CCDC13: variants seen among roughly 807,000 people sequenced by gnomAD.
CCDC13 encodes the protein coiled-coil domain containing 13.
In CCDC13, 70 loss-of-function variants were observed where a neutral mutation model predicts 87.3. The observed-to-expected ratio is 0.80, with a 90% confidence interval of 0.66 to 0.98. CCDC13 has a LOEUF of 0.98. CCDC13 is among the 50% of genes least tolerant of loss of function. The probability of loss-of-function intolerance (pLI) is 0.00; values close to 1 mark genes in which losing one functional copy is unlikely to be tolerated. For synonymous variants in CCDC13, 317 were observed against 360.3 expected, an observed-to-expected ratio of 0.88 and a Z score of 1.36; for missense variants, 842 against 892.0, an observed-to-expected ratio of 0.94 and a Z score of 0.71.
intron 5 of CCDC13, 146 bp downstream of exon 5, chr3:42,751,790 A>G: frequency 1.5e-6 from 1 of 663,542 alleles, no homozygotes; most frequent in Non-Finnish European, 2.7e-6. Flanking sequence ...GGATGCAGCA[A>G]TGGTAGACAA....
At chr3:42,760,755 A>AAAATAAAT (rs201873325) in intron 1 of CCDC13, among the ~76,000 whole-genome samples, 3 of 151,018 alleles carry the variant, frequency 2.0e-5, no homozygotes, top group Admixed American at 6.6e-5. Context: ...ACTCTGTCTC[A>AAAATAAAT]AAATAAATAA....
chr3:42,713,191 G>A lies in CCDC13; in HGVS notation c.1844C>T (p.Ser615Phe). 6.2e-7 allele frequency: 1 copy of A among 1,614,168 alleles called. No homozygotes were observed. The highest frequency in any genetic ancestry group is 1.1e-5 in the South Asian group (1 of 91,082). Residue 615 changes from serine to phenylalanine, a missense_variant, in exon 14 of 16, where the codon TCC (serine) becomes TTC (phenylalanine). Coordinates refer to ENST00000310232, the MANE Select transcript of CCDC13 (RefSeq NM_144719.4). ...TTTGGTCCTGGGAGCTGCTCTCTGG[G>A]AGGCTGATGCCTTCCCTGGCTCCAG... ...IRLEPGKASA[S>F]QRAAPRTKTG... is the part of the protein sequence containing the mutation.
At chr3:42,745,720 T>C (rs1415601842) in intron 7 of CCDC13, 1 of 486,716 alleles carries the variant, frequency 2.1e-6, no homozygotes, top group Non-Finnish European at 3.7e-6. Flanking sequence ...AAGTGTTATA[T>C]AAGAGCTTGT....
At chr3:42,743,850 G>A (rs959607935) in intron 7 of CCDC13, among the ~76,000 whole-genome samples, 2 of 151,912 alleles carry the variant, frequency 1.3e-5, no homozygotes, top group South Asian at 4.2e-4. Flanking sequence ...TCACTTACAG[G>A]AGATACTGAA....
At chr3:42,729,321 C>T (rs1357881340) in intron 13 of CCDC13, among the ~76,000 whole-genome samples, 5 of 152,198 alleles carry the variant, frequency 3.3e-5, no homozygotes, top group Admixed American at 1.3e-4. Flanking sequence ...ATCAATGTTG[C>T]TTTTCTCATA....
chr3:42,769,789 G>C (rs535484053), intron 1 of CCDC13, among the ~76,000 whole-genome samples: 1 of 152,234 alleles, frequency 6.6e-6, no homozygotes, highest in Non-Finnish European at 1.5e-5. Context: ...TGTGGGCTCC[G>C]CAGGCCCACA....
In CCDC13 at chr3:42,733,487, G is replaced by A; in HGVS notation, c.1494C>T (p.Gly498=). 1 of 1,614,070 alleles carries A rather than the reference G, an allele frequency of 6.2e-7. No individual in the cohort carries two copies. Among genetic ancestry groups the A allele is most frequent in the South Asian group, 1.1e-5 (1 of 91,068 alleles). The change falls in exon 11 of 16, where the codon GGC becomes GGT. Residue 498 remains glycine, a synonymous_variant. Coordinates refer to ENST00000310232, the MANE Select transcript of CCDC13 (RefSeq NM_144719.4). ...TTTCTTACCGAGAAGATCCAAGCCT[G>A]CCAACATGATCGCCTGCTGAGGCCG... is the stretch of plus-strand genomic sequence containing the variant. ...KSPASAGDHV[G]RLGSSRSVTS... is the part of the protein sequence containing the mutation.
At chr3:42,772,380 T>C (rs1035110905) in intron 1 of CCDC13, among the ~76,000 whole-genome samples, 3 of 147,910 alleles carry the variant, frequency 2.0e-5, no homozygotes, top group Admixed American at 2.0e-4. Flanking sequence ...GTAGGAAGAG[T>C]GGCATGCACT....
At chr3:42,724,026 A>G (rs1311413119) in intron 13 of CCDC13, among the ~76,000 whole-genome samples, 2 of 152,242 alleles carry the variant, frequency 1.3e-5, no homozygotes, top group Non-Finnish European at 2.9e-5. Context: ...CTGAAAACAA[A>G]AAGGAATATG....
rs530973242 is a variant in CCDC13 at position 42,714,888 on chromosome 3, A to C, written c.1719-1572T>G. On this transcript the variant is annotated intron_variant, in intron 13 of 15. Coordinates refer to ENST00000310232, the MANE Select transcript of CCDC13 (RefSeq NM_144719.4). ...ACCTAAAGGCCCATCATCAGGGGAC[A>C]AACAAGTAAGTGGTAACATATTCAT... Among the ~76,000 whole-genome samples, 5 of 152,386 alleles carry C rather than the reference A, an allele frequency of 3.3e-5. No individual in the cohort carries two copies. In the East Asian group the frequency reaches 5.8e-4, roughly 18 times the overall value.
At chr3:42,770,275 A>G (rs1456248885) in intron 1 of CCDC13, among the ~76,000 whole-genome samples, 1 of 151,946 alleles carries the variant, frequency 6.6e-6, no homozygotes, top group Non-Finnish European at 1.5e-5. Context: ...ACCAATCGGC[A>G]CTCTGTATCT....
At chr3:42,722,548 C>G (rs747280912) in intron 13 of CCDC13, among the ~76,000 whole-genome samples, 7 of 152,132 alleles carry the variant, frequency 4.6e-5, no homozygotes, top group Non-Finnish European at 1.0e-4. Context: ...CCAAAACCCA[C>G]CAAAACCAAG....
intron 1 of CCDC13, among the ~76,000 whole-genome samples, chr3:42,769,624 C>A (rs1280900065): frequency 2.6e-5 from 4 of 152,116 alleles, no homozygotes; most frequent in Non-Finnish European, 5.9e-5. Flanking sequence ...GCTTGAGGAG[C>A]CCTTCAGCCT....
chr3:42,730,958 T>A (rs1461359212), intron 12 of CCDC13, among the ~76,000 whole-genome samples: 2 of 152,110 alleles, frequency 1.3e-5, no homozygotes, highest in East Asian at 3.9e-4. Context: ...GTGTCAGGTG[T>A]GCCCAGTCTC....
chr3:42,761,383 A>T (rs1162610263), intron 1 of CCDC13, among the ~76,000 whole-genome samples: 3 of 152,114 alleles, frequency 2.0e-5, no homozygotes. Flanking sequence ...ATCCTATTGT[A>T]GAAGGCATCC....
chr3:42,755,124 T>G (rs1233035561), intron 3 of CCDC13, among the ~76,000 whole-genome samples: 1 of 152,196 alleles, frequency 6.6e-6, no homozygotes, highest in African/African-American at 2.4e-5. Context: ...CTACATTCCA[T>G]TTGAAGTGGT....
intron 8 of CCDC13, among the ~76,000 whole-genome samples, chr3:42,742,408 C>CTCTG (rs780417761): frequency 2.8e-4 from 42 of 152,192 alleles, no homozygotes; most frequent in Non-Finnish European, 2.6e-4. Context: ...GCTAGGCCAC[C>CTCTG]TCTGGATTGT....
chr3:42,770,038 G>C (rs1450102830), intron 1 of CCDC13, among the ~76,000 whole-genome samples: 3 of 152,258 alleles, frequency 2.0e-5, no homozygotes, highest in Non-Finnish European at 4.4e-5. Flanking sequence ...AAGCCCAAGG[G>C]CTGAGGAGTG....
At chr3:42,729,456 TG>T (rs1698767439) in intron 13 of CCDC13, among the ~76,000 whole-genome samples, 1 of 152,234 alleles carries the variant, frequency 6.6e-6, no homozygotes, top group Non-Finnish European at 1.5e-5. Context: ...CTCCTTCTTT[TG>T]CTATCAGTAC....
Sources: gnomAD v4.1 joint callset for allele counts (sites outside exome capture counted in the v4.1 genomes callset) on GRCh38, gnomAD v4.1.1 for gene constraint, MANE v1.5 for transcripts, NCBI Gene and HGNC (gene_info 2026-07-23, HGNC 2026-07-21) for gene names.